Variants in PCYT1B observed in about 807,000 individuals in gnomAD.
PCYT1B encodes phosphate cytidylyltransferase 1B, choline, also known as choline-phosphate cytidylyltransferase B.
A neutral mutation model predicts 26.4 loss-of-function variants in PCYT1B; 10 were observed. The observed-to-expected ratio is 0.38, with a 90% CI of 0.23 to 0.64. The LOEUF is 0.64. Among genes scored for constraint, PCYT1B ranks in the 30% least tolerant of loss-of-function variants. PCYT1B has a pLI of 0.56. For missense variants in PCYT1B, 161 were observed against 292.7 expected (o/e 0.55, Z 3.28); for synonymous variants, 131 against 108.4 (o/e 1.21, Z -1.29).
intron 1 of PCYT1B, among the ~76,000 whole-genome samples, chrX:24,629,305 C>T (rs1420946207): frequency 9.1e-6 from 1 of 110,146 alleles, no homozygotes; most frequent in Non-Finnish European, 1.9e-5. Flanking sequence ...GTAGCTCACG[C>T]TTGTAATCCC....
chrX:24,649,146 A>G (rs1242450052), upstream of PCYT1B, among the ~76,000 whole-genome samples: 1 of 111,585 alleles, frequency 9.0e-6, no homozygotes, highest in African/African-American at 3.3e-5. Context: ...TCCTGGAAGC[A>G]CAAAACACTT....
At chrX:24,669,356 A>G (rs1490661632) in intron 1 of PCYT1B, among the ~76,000 whole-genome samples, 1 of 109,595 alleles carries the variant, frequency 9.1e-6, no homozygotes, top group Non-Finnish European at 1.9e-5. Context: ...GTCTCTACTA[A>G]AAGTACAAAA....
intron 7 of PCYT1B, among the ~76,000 whole-genome samples, chrX:24,572,937 T>TATATAC (rs1274157411): frequency 2.0e-4 from 21 of 103,158 alleles, no homozygotes; most frequent in African/African-American, 4.6e-4. Flanking sequence ...TATATATATA[T>TATATAC]ACACACACAC....
chrX:24,618,069 G>GT (rs1235716915), intron 2 of PCYT1B, among the ~76,000 whole-genome samples: 2 of 111,212 alleles, frequency 1.8e-5, no homozygotes, highest in Admixed American at 9.7e-5. Context: ...TGCTACTAAT[G>GT]TTTTTTATTT....
Position 24,591,015 on chromosome X carries a change from G to C in PCYT1B, c.335-841C>G, listed in dbSNP as rs765879668. Among the ~76,000 whole-genome samples the C allele has an allele frequency of 6.4e-5, 7 of 109,519 alleles. No individual in the cohort carries two copies. In the Admixed American group the frequency reaches 6.9e-4, roughly 11 times the overall value. On this transcript the variant is annotated intron_variant, in intron 3 of 7. Coordinates refer to ENST00000379144, the MANE Select transcript of PCYT1B (RefSeq NM_004845.5). ...TCACTGTGTTAACCAGTATGGTCTCGATCTCCTGACCTTGTGATCCACCCA... is the reference window on the plus strand; with the variant it reads ...TCACTGTGTTAACCAGTATGGTCTCCATCTCCTGACCTTGTGATCCACCCA...
intron 1 of PCYT1B, among the ~76,000 whole-genome samples, chrX:24,643,665 G>A (rs913738422): frequency 8.9e-6 from 1 of 111,791 alleles, no homozygotes; most frequent in African/African-American, 3.3e-5. Context: ...AGTTTTCCTG[G>A]CAGAAGAACT....
At chrX:24,670,158 G>C in intron 1 of PCYT1B, among the ~76,000 whole-genome samples, 1 of 76,890 alleles carries the variant, frequency 1.3e-5, no homozygotes, top group East Asian at 4.9e-4. Flanking sequence ...GGAAGGAAAT[G>C]GGAATATAAA....
At chrX:24,631,321 G>C (rs1926085867) in intron 1 of PCYT1B, among the ~76,000 whole-genome samples, 1 of 111,254 alleles carries the variant, frequency 9.0e-6, no homozygotes, top group Non-Finnish European at 1.9e-5. Flanking sequence ...TCTTTAAGGG[G>C]CCAAACGAAC....
intron 1 of PCYT1B, among the ~76,000 whole-genome samples, chrX:24,652,957 T>A (rs1412081045): frequency 1.8e-5 from 2 of 110,097 alleles, no homozygotes; most frequent in East Asian, 5.8e-4. Context: ...TGGTGGCACA[T>A]GCCTGTAATC....
intron 2 of PCYT1B, among the ~76,000 whole-genome samples, chrX:24,616,139 TC>T (rs1925481874): frequency 2.7e-5 from 3 of 109,903 alleles, no homozygotes; most frequent in African/African-American, 9.9e-5. Flanking sequence ...CCCTTTCCTT[TC>T]CCTAGAAAGG....
At chrX:24,652,568 A>G (rs1296404052) in intron 1 of PCYT1B, among the ~76,000 whole-genome samples, 4 of 110,333 alleles carry the variant, frequency 3.6e-5, no homozygotes, top group Non-Finnish European at 7.6e-5. Context: ...TCAAAAAAAA[A>G]AAAAGTAATG....
chrX:24,579,973 G>A (rs1924154933), intron 5 of PCYT1B, among the ~76,000 whole-genome samples: 1 of 111,612 alleles, frequency 9.0e-6, no homozygotes, highest in South Asian at 3.8e-4. Context: ...CCAGGAGTTC[G>A]AGATCAGCCT....
rs745725498 is a variant in PCYT1B, at chrX:24,647,152, C to T, written c.-47G>A. ...GCTCTACACCCTCAGAGAGTCTCCT[C>T]CCAGGCAGAGAATGTTTTCTTTGTC... On this transcript the variant is annotated 5_prime_UTR_variant, in exon 1 of 8. Transcript: ENST00000379144. 20 of 1,187,178 alleles carry T rather than the reference C, an allele frequency of 1.7e-5. No homozygotes were observed. The highest frequency in any genetic ancestry group is 2.0e-5 in the Non-Finnish European group (18 of 883,863).
intron 4 of PCYT1B, among the ~76,000 whole-genome samples, chrX:24,588,679 T>G (rs1252041550): frequency 2.7e-5 from 3 of 111,506 alleles, no homozygotes. Flanking sequence ...GGAGAATTCT[T>G]TGGTGTCGGG....
intron 3 of PCYT1B, among the ~76,000 whole-genome samples, chrX:24,607,072 C>T (rs1242750203): frequency 1.8e-5 from 2 of 112,024 alleles, no homozygotes; most frequent in Non-Finnish European, 3.8e-5. Context: ...TACAGGTCTT[C>T]CTAGTCAGGT....
chrX:24,561,625 C>T lies in PCYT1B; in HGVS notation c.*668G>A, dbSNP rs1409462972. 8.4e-6 allele frequency: 1 copy of T among 118,940 alleles called. No homozygotes were observed. The highest frequency in any genetic ancestry group is 1.7e-5 in the Non-Finnish European group (1 of 57,759). The allele number at this position is 118,940 out of a possible 1,213,427, so 9.8% of individuals were successfully genotyped here. ...AAGTACAACCAGGAGCACATCAGGCCTTACGTGGAGTTCTTGACAAAACTG... is the reference window on the plus strand; with the variant it reads ...AAGTACAACCAGGAGCACATCAGGCTTTACGTGGAGTTCTTGACAAAACTG... On this transcript the variant is annotated 3_prime_UTR_variant, in exon 8 of 8. Transcript: ENST00000379144.
intron 1 of PCYT1B, among the ~76,000 whole-genome samples, chrX:24,624,211 C>A (rs767105401): frequency 1.8e-5 from 2 of 110,827 alleles, no homozygotes; most frequent in Non-Finnish European, 3.8e-5. Flanking sequence ...CCTCGTGATC[C>A]GCCCGCCTTG....
At chrX:24,634,887 C>T (rs975911548) in intron 1 of PCYT1B, among the ~76,000 whole-genome samples, 1 of 112,163 alleles carries the variant, frequency 8.9e-6, no homozygotes, top group Non-Finnish European at 1.9e-5. Context: ...GCAGCCACCA[C>T]ATTATCAGGT....
chrX:24,635,597 C>A (rs149118042), intron 1 of PCYT1B, among the ~76,000 whole-genome samples: 3 of 111,854 alleles, frequency 2.7e-5, no homozygotes, highest in Non-Finnish European at 3.8e-5. Context: ...CCATATTTTA[C>A]AAGAAAACTG....
Sources: gnomAD v4.1 joint callset for allele counts (sites outside exome capture counted in the v4.1 genomes callset) on GRCh38, gnomAD v4.1.1 for gene constraint, MANE v1.5 for transcripts, NCBI Gene and HGNC (gene_info 2026-07-23, HGNC 2026-07-21) for gene names.